CHSY3: variants seen among roughly 807,000 people sequenced by gnomAD.
CHSY3 encodes N-acetylgalactosaminyl-proteoglycan 3-beta-glucuronosyltransferase 3.
A neutral mutation model predicts 67.2 loss-of-function variants in CHSY3; 35 were observed. The ratio of observed to expected loss-of-function variants is 0.52; its 90% CI spans 0.40 to 0.69. The LOEUF (loss-of-function observed/expected upper bound fraction) is 0.69, where lower values mean the gene tolerates loss of function less well. Ranked by LOEUF, CHSY3 falls within the 30% of genes least tolerant of loss-of-function variation. The probability of loss-of-function intolerance (pLI) is 0.00; values close to 1 mark genes in which losing one functional copy is unlikely to be tolerated. For synonymous variants in CHSY3, 474 were observed against 434.7 expected, an observed-to-expected ratio of 1.09 and a Z score of -1.12; for missense variants, 1,069 against 1,138.5, an observed-to-expected ratio of 0.94 and a Z score of 0.88.
intron 2 of CHSY3, among the ~76,000 whole-genome samples, chr5:130,100,754 A>C (rs1373419122): frequency 6.6e-6 from 1 of 152,242 alleles, no homozygotes; most frequent in Non-Finnish European, 1.5e-5. Context: ...AGTCAAAGGA[A>C]AATGAGGCTT....
intron 2 of CHSY3, among the ~76,000 whole-genome samples, chr5:130,135,335 T>A (rs1055402961): frequency 1.3e-5 from 2 of 151,908 alleles, no homozygotes; most frequent in African/African-American, 4.8e-5. Flanking sequence ...CTCAATCACA[T>A]CTCTTTAAAC....
intron 2 of CHSY3, among the ~76,000 whole-genome samples, chr5:129,909,422 T>C (rs1760451745): frequency 6.6e-6 from 1 of 151,816 alleles, no homozygotes; most frequent in Admixed American, 6.6e-5. Flanking sequence ...GTTTCATTTG[T>C]TTTTTTTGTA....
At chr5:130,128,360 C>T (rs1768365926) in intron 2 of CHSY3, among the ~76,000 whole-genome samples, 1 of 151,776 alleles carries the variant, frequency 6.6e-6, no homozygotes, top group Admixed American at 6.6e-5. Context: ...TAAGGAAGTC[C>T]TGCCATTTGT....
chr5:130,059,070 T>A (rs1296592641), intron 2 of CHSY3, among the ~76,000 whole-genome samples: 1 of 152,166 alleles, frequency 6.6e-6, no homozygotes, highest in Non-Finnish European at 1.5e-5. Context: ...GAAGGTACCT[T>A]AAAGATGTGA....
In CHSY3 at chr5:130,153,819, G is replaced by A. The variant is rs141202997; in HGVS notation, c.1087-30410G>A. On this transcript the variant is annotated intron_variant, in intron 2 of 2. Coordinates refer to ENST00000305031, the MANE Select transcript of CHSY3 (RefSeq NM_175856.5). The stretch of plus-strand genomic sequence containing the variant: ...ATTGTTCATTTAGTTTTTGTTTTTC[G>A]TTTTTTTGTTTGTTTTATTTTTTTT... Among the ~76,000 whole-genome samples, 478 of 151,894 alleles carry A rather than the reference G, an allele frequency of 3.1e-3. 4 individuals are homozygous for A. The highest frequency in any genetic ancestry group is 0.011 in the African/African-American group (445 of 41,426).
chr5:130,181,124 A>G (rs928089972), intron 2 of CHSY3, among the ~76,000 whole-genome samples: 8 of 152,076 alleles, frequency 5.3e-5, no homozygotes, highest in Middle Eastern at 3.2e-3. Context: ...GTCGGGGCAC[A>G]CTGGTGTTCA....
intron 2 of CHSY3, among the ~76,000 whole-genome samples, chr5:129,927,395 G>T (rs1481039797): frequency 6.6e-6 from 1 of 151,852 alleles, no homozygotes. Context: ...TTTTGTGTTT[G>T]GGACATTGTG....
rs561288468 is a variant in CHSY3, at chr5:130,101,347, C to G, written c.1087-82882C>G. Among the ~76,000 whole-genome samples the G allele has an allele frequency of 9.9e-5, 15 of 152,204 alleles. No individual in the cohort carries two copies. The South Asian group carries it at 2.7e-3, about 27-fold the overall frequency. On this transcript the variant is annotated intron_variant, in intron 2 of 2. Coordinates refer to ENST00000305031, the MANE Select transcript of CHSY3 (RefSeq NM_175856.5). Reference sequence around the variant, plus strand: ...AAATTTCTCAAAATCACCATTGATTCAGCAGTTATTACAAGCTTCTCAGAA... The same window carrying G: ...AAATTTCTCAAAATCACCATTGATTGAGCAGTTATTACAAGCTTCTCAGAA...
chr5:129,967,518 G>A (rs1266354342), intron 2 of CHSY3, among the ~76,000 whole-genome samples: 1 of 151,760 alleles, frequency 6.6e-6, no homozygotes, highest in African/African-American at 2.4e-5. Flanking sequence ...TTTACCAGTC[G>A]CTGCTATTTG....
chr5:129,924,957 T>C (rs1343458663), intron 2 of CHSY3, among the ~76,000 whole-genome samples: 1 of 152,226 alleles, frequency 6.6e-6, no homozygotes, highest in Non-Finnish European at 1.5e-5. Context: ...TTACTGAGTA[T>C]GTCTTGGAAA....
At chr5:129,937,095 G>C (rs889042345) in intron 2 of CHSY3, among the ~76,000 whole-genome samples, 6 of 152,152 alleles carry the variant, frequency 3.9e-5, no homozygotes, top group Non-Finnish European at 8.8e-5. Flanking sequence ...TTCCAAATGA[G>C]ACACTATATT....
chr5:130,033,190 C>G (rs2149661148), intron 2 of CHSY3, among the ~76,000 whole-genome samples: 1 of 152,298 alleles, frequency 6.6e-6, no homozygotes, highest in South Asian at 2.1e-4. Context: ...CTCCTATAAT[C>G]AAAGTATTTT....
At chr5:130,100,743 C>T (rs1224587246) in intron 2 of CHSY3, among the ~76,000 whole-genome samples, 1 of 151,992 alleles carries the variant, frequency 6.6e-6, no homozygotes, top group Non-Finnish European at 1.5e-5. Context: ...TAAATGTTAC[C>T]AGTCAAAGGA....
chr5:129,947,948 A>G (rs1761909337), intron 2 of CHSY3, among the ~76,000 whole-genome samples: 1 of 152,176 alleles, frequency 6.6e-6, no homozygotes, highest in African/African-American at 2.4e-5. Flanking sequence ...CATTTCAAAA[A>G]TCAGATTATT....
intron 2 of CHSY3, among the ~76,000 whole-genome samples, chr5:129,930,587 G>A (rs1487714018): frequency 6.6e-6 from 1 of 151,346 alleles, no homozygotes; most frequent in East Asian, 1.9e-4. Flanking sequence ...AACAAGGTGA[G>A]CTGCATATGA....
At position 130,035,886 on chromosome 5, in the gene CHSY3, G is replaced by GTTTTTT. The variant is rs1180462327; in HGVS notation, c.1086+127547_1086+127552dup. Among the ~76,000 whole-genome samples the GTTTTTT allele has an allele frequency of 3.8e-4, 25 of 65,552 alleles. 1 individual carries two copies. The highest frequency in any genetic ancestry group is 1.2e-3 in the African/African-American group (20 of 16,664). 43.0% of individuals were successfully genotyped at this position (65,552 alleles called of 152,430 possible). ...CCCAAGTCTGGTCATTCATTTGGTT[G>GTTTTTT]TTTTTTTTTTTTTTTTTTTTTTTTT... On this transcript the variant is annotated intron_variant, in intron 2 of 2. Transcript: ENST00000305031.
chr5:130,021,658 T>A (rs1764392485), intron 2 of CHSY3, among the ~76,000 whole-genome samples: 1 of 152,118 alleles, frequency 6.6e-6, no homozygotes, highest in Admixed American at 6.6e-5. Flanking sequence ...AACTATAATA[T>A]GTTTTAATGC....
At chr5:129,953,589 C>A (rs1001007070) in intron 2 of CHSY3, among the ~76,000 whole-genome samples, 2 of 152,110 alleles carry the variant, frequency 1.3e-5, no homozygotes, top group Non-Finnish European at 2.9e-5. Flanking sequence ...AATTTACACT[C>A]CCACCAACAG....
intron 2 of CHSY3, among the ~76,000 whole-genome samples, chr5:130,169,565 T>G (rs1196750001): frequency 1.3e-5 from 2 of 152,116 alleles, no homozygotes; most frequent in African/African-American, 4.8e-5. Context: ...CCTAACTTTA[T>G]CTGACCCATT....
Sources: allele counts gnomAD v4.1 joint callset (sites outside exome capture counted in the v4.1 genomes callset), GRCh38; gene constraint gnomAD v4.1.1; transcripts MANE v1.5; gene names NCBI Gene and HGNC (gene_info 2026-07-23, HGNC 2026-07-21).